The following SLC8A1 variants were observed in gnomAD, a reference collection of about 807,000 sequenced individuals.
SLC8A1 encodes sodium/calcium exchanger 1.
In SLC8A1, 18 loss-of-function variants were observed where a neutral mutation model predicts 68.3. The ratio of observed to expected loss-of-function variants is 0.26; its 90% confidence interval spans 0.18 to 0.39. The LOEUF is 0.39. Ranked by LOEUF, SLC8A1 falls within the 10% of genes least tolerant of loss-of-function variation. SLC8A1 has a pLI of 1.00. For synonymous variants in SLC8A1, 475 were observed against 415.5 expected (o/e 1.14, Z -1.74); for missense variants, 985 against 1,156.7 (o/e 0.85, Z 2.15).
intron 2 of SLC8A1, among the ~76,000 whole-genome samples, chr2:40,283,090 G>A (rs965641352): frequency 1.3e-5 from 2 of 152,104 alleles, no homozygotes; most frequent in African/African-American, 2.4e-5. Context: ...ATTCCAAGAC[G>A]ATTTAGAAGC....
intron 4 of SLC8A1, among the ~76,000 whole-genome samples, chr2:40,172,116 T>C (rs409522): frequency 0.78 from 119,117 of 152,194 alleles, 47,252 homozygotes; most frequent in Middle Eastern, 0.85. Context: ...GCCTTGACTT[T>C]AAAGCCTCCA....
rs1226971543 is a variant in SLC8A1, at chr2:40,493,343, TG to T, written c.-25+19005del. On this transcript the variant is annotated intron_variant, in intron 1 of 7. Transcript: ENST00000402441. The stretch of plus-strand genomic sequence containing the variant: ...GGGAACATCACTCTCTGGGGACTGT[TG>T]TGGGGTGGGGGGGAGGGGGGAGGGA... Among the ~76,000 whole-genome samples, 13 of 17,028 alleles carry T rather than the reference TG, an allele frequency of 7.6e-4. 1 individual carries two copies. The highest frequency in any genetic ancestry group is 0.062 in the Middle Eastern group (2 of 32). 11.2% of individuals were successfully genotyped at this position (17,028 alleles called of 152,430 possible).
chr2:40,335,747 C>A (rs1398456895), intron 2 of SLC8A1, among the ~76,000 whole-genome samples: 1 of 152,152 alleles, frequency 6.6e-6, no homozygotes, highest in Non-Finnish European at 1.5e-5. Flanking sequence ...ATAAGGTAAT[C>A]CTTTTATTAA....
At chr2:40,254,167 C>T (rs2063480222) in intron 2 of SLC8A1, among the ~76,000 whole-genome samples, 1 of 149,790 alleles carries the variant, frequency 6.7e-6, no homozygotes, top group East Asian at 2.0e-4. Flanking sequence ...ATCATTATGT[C>T]AACAAAAAAT....
intron 1 of SLC8A1, among the ~76,000 whole-genome samples, chr2:40,485,220 T>C (rs1373442892): frequency 6.6e-6 from 1 of 152,136 alleles, no homozygotes; most frequent in Admixed American, 6.6e-5. Flanking sequence ...AGGGTTTAAC[T>C]ATATATCAAA....
chr2:40,200,731 T>TA (rs968806442), intron 2 of SLC8A1, among the ~76,000 whole-genome samples: 2 of 151,798 alleles, frequency 1.3e-5, no homozygotes, highest in Non-Finnish European at 2.9e-5. Context: ...CCATAACTCT[T>TA]AAACTATTGC....
At chr2:40,110,062 T>C (rs2034464248) in exon 8 of SLC8A1, 4 of 152,188 alleles carry the variant, frequency 2.6e-5, no homozygotes, top group Non-Finnish European at 4.4e-5. Context: ...GGACAGCCTC[T>C]GAGTACATTT....
intron 2 of SLC8A1, among the ~76,000 whole-genome samples, chr2:40,180,150 C>T (rs1442080723): frequency 6.6e-6 from 1 of 151,456 alleles, no homozygotes; most frequent in African/African-American, 2.4e-5. Context: ...ACAAAACTAC[C>T]AACAGTATGA....
At chr2:40,256,339 T>TA (rs1194417096) in intron 2 of SLC8A1, among the ~76,000 whole-genome samples, 8 of 152,172 alleles carry the variant, frequency 5.3e-5, no homozygotes, top group Non-Finnish European at 1.5e-5. Flanking sequence ...TAATGTGTTT[T>TA]AAGACCAAGG....
intron 1 of SLC8A1, among the ~76,000 whole-genome samples, chr2:40,458,911 C>T (rs190260000): frequency 1.3e-5 from 2 of 152,152 alleles, no homozygotes; most frequent in South Asian, 2.1e-4. Flanking sequence ...TTATGTCAAT[C>T]GTTGGTCATC....
chr2:40,466,445 T>C (rs1050460567), intron 1 of SLC8A1, among the ~76,000 whole-genome samples: 1 of 152,294 alleles, frequency 6.6e-6, no homozygotes, highest in Admixed American at 6.5e-5. Context: ...CTACAGCTTT[T>C]ACATCCAATA....
At chr2:40,101,741 G>C (rs1400258683) in exon 8 of SLC8A1, 2 of 152,010 alleles carry the variant, frequency 1.3e-5, no homozygotes, top group African/African-American at 4.8e-5. Context: ...TTCATTCTTG[G>C]CCACTCAGAA....
chr2:40,145,352 C>T (rs1237088823), intron 6 of SLC8A1, among the ~76,000 whole-genome samples: 1 of 152,132 alleles, frequency 6.6e-6, no homozygotes, highest in Non-Finnish European at 1.5e-5. Context: ...GGTCAACCAT[C>T]CAGTTCTGAA....
chr2:40,225,357 T>C (rs966121097), intron 2 of SLC8A1, among the ~76,000 whole-genome samples: 1 of 152,158 alleles, frequency 6.6e-6, no homozygotes, highest in African/African-American at 2.4e-5. Context: ...ATACATAAGG[T>C]ATTTAAAATA....
At chr2:40,106,455 A>G (rs532400237) in exon 8 of SLC8A1, 2 of 152,104 alleles carry the variant, frequency 1.3e-5, no homozygotes, top group African/African-American at 4.8e-5. Context: ...ATCCTTTTTG[A>G]TAAGAAAGGT....
chr2:40,165,006 G>T, intron 4 of SLC8A1, 22 bp from the exon 8 acceptor site: 1 of 1,613,272 alleles, frequency 6.2e-7, no homozygotes. Context: ...AAGTATCAGA[G>T]AGTGAGCACT....
At chr2:40,128,799 G>T (rs10177338) in intron 7 of SLC8A1, among the ~76,000 whole-genome samples, 37,558 of 152,128 alleles carry the variant, frequency 0.25, 5,218 homozygotes, top group East Asian at 0.63. Context: ...CAAATATATA[G>T]AGAGAGATTC....
At chr2:40,241,818 T>C (rs1574571506) in intron 2 of SLC8A1, among the ~76,000 whole-genome samples, 1 of 152,202 alleles carries the variant, frequency 6.6e-6, no homozygotes, top group East Asian at 1.9e-4. Context: ...ACCATAAGCA[T>C]TGCCTATTTG....
chr2:40,363,092 T>C (rs1368226105), intron 2 of SLC8A1, among the ~76,000 whole-genome samples: 1 of 152,158 alleles, frequency 6.6e-6, no homozygotes, highest in Admixed American at 6.6e-5. Flanking sequence ...TACAACTCTT[T>C]TGTATCAAAT....
Sources: gnomAD v4.1 joint callset for allele counts (sites outside exome capture counted in the v4.1 genomes callset) on GRCh38, gnomAD v4.1.1 for gene constraint, MANE v1.5 for transcripts, NCBI Gene and HGNC (gene_info 2026-07-23, HGNC 2026-07-21) for gene names.